The following RBPJ variants were observed in gnomAD, a reference collection of about 807,000 sequenced individuals.
The protein encoded by RBPJ is recombining binding protein suppressor of hairless.
Under a neutral mutation model 67.8 loss-of-function variants are expected in RBPJ, and 9 were observed. The observed-to-expected ratio is 0.13, with a 90% CI of 0.08 to 0.23. The LOEUF is 0.23. RBPJ is among the 10% of genes least tolerant of loss of function. RBPJ has a pLI of 1.00. For missense variants in RBPJ, 305 were observed against 595.6 expected (o/e 0.51, Z 5.08); for synonymous variants, 198 against 203.3 (o/e 0.97, Z 0.22).
chr4:26,255,686 C>T (rs1720314237), intron 1 of RBPJ, among the ~76,000 whole-genome samples: 1 of 151,166 alleles, frequency 6.6e-6, no homozygotes, highest in South Asian at 2.1e-4. Flanking sequence ...CCTGTAGTCC[C>T]AGCTACGCGG....
the RBPJ span, among the ~76,000 whole-genome samples, chr4:26,109,460 C>CTCTATATA: frequency 3.4e-4 from 5 of 14,696 alleles, no homozygotes; most frequent in Non-Finnish European, 6.1e-4. Flanking sequence ...CTCTCTCTCT[C>CTCTATATA]TATATATATA....
intron 1 of RBPJ, among the ~76,000 whole-genome samples, chr4:26,212,096 C>T (rs1277548740): frequency 6.6e-6 from 1 of 152,070 alleles, no homozygotes; most frequent in Admixed American, 6.6e-5. Flanking sequence ...TTCTAGTCAC[C>T]CAGTTTGTGG....
upstream of RBPJ, chr4:26,319,969 G>A (rs1294483914): frequency 6.8e-5 from 86 of 1,264,640 alleles, no homozygotes; most frequent in Non-Finnish European, 9.0e-5. Context: ...GGGGCTTCCG[G>A]GATCAGGCCG....
the RBPJ span, among the ~76,000 whole-genome samples, chr4:26,114,930 A>G: frequency 6.6e-6 from 1 of 152,214 alleles, no homozygotes; most frequent in Non-Finnish European, 1.5e-5. Flanking sequence ...TAAATACCCA[A>G]CACTCATCAC....
Position 26,372,461 on chromosome 4 carries a change from A to G in RBPJ, c.21-13892A>G, listed in dbSNP as rs182046933. 5.2e-5 allele frequency among the ~76,000 whole-genome samples: 8 copies of G among 152,394 alleles called. No individual in the cohort carries two copies. The East Asian group carries it at 1.5e-3, about 29-fold the overall frequency. On this transcript the variant is annotated intron_variant, in intron 1 of 10. Coordinates refer to ENST00000355476, the MANE Select transcript of RBPJ (RefSeq NM_015874.6). ...TTTGACGTAGGGCGATTGACTAGAC[A>G]GTTAACTAGTAAATTAACTGTAACA...
Position 26,415,637 on chromosome 4 carries a change from A to G in RBPJ, c.318A>G (p.Gly106=). 1 of 1,607,840 alleles carries G rather than the reference A, an allele frequency of 6.2e-7. No individual in the cohort carries two copies. Among genetic ancestry groups the G allele is most frequent in the Non-Finnish European group, 8.5e-7 (1 of 1,177,958 alleles). Residue 106 remains glycine, a synonymous_variant, in exon 4 of 11, where the codon GGA becomes GGG. Coordinates refer to ENST00000355476, the MANE Select transcript of RBPJ (RefSeq NM_015874.6). Reference sequence around the variant, plus strand: ...AAATGCAGCAGCTAAACTTGGAAGGAAAGGTAAATCAAGACTGCTAGTTCA... The same window carrying G: ...AAATGCAGCAGCTAAACTTGGAAGGGAAGGTAAATCAAGACTGCTAGTTCA... ...DQEMQQLNLE[G]KNYCTAKTLY...
chr4:26,292,340 T>C (rs1721698240), intron 1 of RBPJ, among the ~76,000 whole-genome samples: 1 of 150,836 alleles, frequency 6.6e-6, no homozygotes, highest in Non-Finnish European at 1.5e-5. Flanking sequence ...GTGTGACTTA[T>C]TTCATTTAGC....
At chr4:26,252,670 G>T (rs1033301570) in intron 1 of RBPJ, among the ~76,000 whole-genome samples, 1 of 152,146 alleles carries the variant, frequency 6.6e-6, no homozygotes, top group African/African-American at 2.4e-5. Flanking sequence ...AGTTGCATAC[G>T]TTGCTCGAGT....
Position 26,428,928 on chromosome 4 carries a change from T to A in RBPJ, c.888+68T>A, listed in dbSNP as rs547416045. ...GTGAGGTTAGCAGCTTGCAAAAATA[T>A]GAAATTTTCATTTGCTGTTAATTAT... On this transcript the variant is annotated intron_variant, in intron 8 of 10. Coordinates refer to ENST00000355476, the MANE Select transcript of RBPJ (RefSeq NM_015874.6). 5 of 1,259,016 alleles carry A rather than the reference T, an allele frequency of 4.0e-6. No homozygotes were observed. In the African/African-American group the frequency reaches 7.5e-5, roughly 19 times the overall value. 78.0% of individuals were successfully genotyped at this position (1,259,016 alleles called of 1,614,324 possible). A position where few individuals can be genotyped will look rare whatever the true frequency, so the allele number is the denominator to read the frequency against.
upstream of RBPJ, among the ~76,000 whole-genome samples, chr4:26,316,824 CGA>C (rs1722663817): frequency 2.1e-4 from 22 of 103,058 alleles, 5 homozygotes; most frequent in African/African-American, 2.6e-4. Flanking sequence ...CTAACCCAGA[CGA>C]CTTTTTTTTT....
chr4:26,238,771 T>A (rs1273294944), intron 1 of RBPJ, among the ~76,000 whole-genome samples: 1 of 152,004 alleles, frequency 6.6e-6, no homozygotes, highest in Non-Finnish European at 1.5e-5. Context: ...CGCGGGAGGA[T>A]ATCTAGAGAC....
At chr4:26,386,652 A>G (rs1730947917) in intron 2 of RBPJ, among the ~76,000 whole-genome samples, 1 of 152,180 alleles carries the variant, frequency 6.6e-6, no homozygotes, top group Non-Finnish European at 1.5e-5. Flanking sequence ...TACAACATGG[A>G]CGGCAGTGCA....
intron 1 of RBPJ, among the ~76,000 whole-genome samples, chr4:26,166,671 C>G (rs1171417087): frequency 6.6e-6 from 1 of 151,844 alleles, no homozygotes; most frequent in Admixed American, 6.6e-5. Flanking sequence ...TGTAGGTTGC[C>G]TGCTCACTCT....
intron 1 of RBPJ, among the ~76,000 whole-genome samples, chr4:26,295,536 T>C (rs1363154998): frequency 6.6e-6 from 1 of 151,980 alleles, no homozygotes; most frequent in Non-Finnish European, 1.5e-5. Context: ...CCTGATGAGA[T>C]GTGACTGGAA....
In RBPJ at chr4:26,420,599, A is replaced by G; in HGVS notation, c.370A>G (p.Lys124Glu). Residue 124 changes from lysine (K) to glutamate (E), a missense_variant, in exon 5 of 11, where the codon AAG becomes GAG. Lys to Glu is a moderately conservative substitution (Grantham distance 56). Around this residue, in one of 7 missense-constraint regions of RBPJ, gnomAD observed 79 missense variants for 106.2 expected, o/e 0.74. Transcript: ENST00000355476. ...TLYISDSDKR[K>E]HFMLSVKMFY... ...GTATATATCTGACTCAGACAAGCGA[A>G]AGCACTTCATGTTGTCTGTAAAGAT... 6.2e-7 allele frequency: 1 copy of G among 1,613,662 alleles called. No homozygotes were observed. Among genetic ancestry groups the G allele is most frequent in the Non-Finnish European group, 8.5e-7 (1 of 1,179,812 alleles).
chr4:26,388,737 TAG>T (rs1731181906), intron 2 of RBPJ, among the ~76,000 whole-genome samples: 1 of 152,120 alleles, frequency 6.6e-6, no homozygotes, highest in Non-Finnish European at 1.5e-5. Flanking sequence ...GACATAGCAA[TAG>T]ATACTATCTA....
intron 1 of RBPJ, among the ~76,000 whole-genome samples, chr4:26,183,828 T>C (rs892615192): frequency 6.6e-6 from 1 of 152,066 alleles, no homozygotes; most frequent in Non-Finnish European, 1.5e-5. Context: ...CTGGCCAACA[T>C]GGTGAAATCC....
At chr4:26,327,780 G>A (rs1390044722) in intron 1 of RBPJ, among the ~76,000 whole-genome samples, 2 of 152,008 alleles carry the variant, frequency 1.3e-5, no homozygotes, top group African/African-American at 4.8e-5. Flanking sequence ...AGGAGTTTGA[G>A]GCTGCAACGA....
intron 1 of RBPJ, 168 bp downstream of exon 1, chr4:26,321,216 C>A: frequency 6.1e-6 from 1 of 164,970 alleles, no homozygotes; most frequent in Non-Finnish European, 1.2e-5. Flanking sequence ...CCGTGCGCTG[C>A]CGCTCTGCGC....
Sources: gnomAD v4.1 joint callset for allele counts (sites outside exome capture counted in the v4.1 genomes callset) on GRCh38, gnomAD v4.1.1 for gene constraint, gnomAD v4.1.1 regional missense constraint, MANE v1.5 for transcripts, NCBI Gene and HGNC (gene_info 2026-07-23, HGNC 2026-07-21) for gene names.